The following SHPRH variants were observed in gnomAD, a reference collection of about 807,000 sequenced individuals.
SHPRH encodes SNF2 histone linker PHD RING helicase.
A neutral mutation model predicts 202.5 loss-of-function variants in SHPRH; 106 were observed. The ratio of observed to expected loss-of-function variants is 0.52; its 90% CI spans 0.45 to 0.62. The LOEUF is 0.62. Among genes scored for constraint, SHPRH ranks in the 20% least tolerant of loss-of-function variants. SHPRH has a pLI of 0.00. For missense variants in SHPRH, 1,710 were observed against 2,020.0 expected (o/e 0.85, Z 2.94); for synonymous variants, 729 against 686.0 (o/e 1.06, Z -0.98).
In SHPRH at chr6:145,943,354, T is replaced by C. The variant is rs764651416; in HGVS notation, c.2027A>G (p.Gln676Arg). Reference protein sequence around the residue: ...LDQIDRKPRVQCLKCHLWQHA... With the variant: ...LDQIDRKPRVRCLKCHLWQHA... ...TTGCCACAGGTGACACTTCAGGCAT[T>C]GAACACGAGGCTTACGATCTATCTG... Residue 676 changes from glutamine to arginine, a missense_variant, in exon 9 of 30, where the codon CAA becomes CGA. Gln to Arg is a conservative substitution (Grantham distance 43). Coordinates refer to ENST00000275233, the MANE Select transcript of SHPRH (RefSeq NM_001042683.3). The C allele has an allele frequency of 6.2e-6, 10 of 1,613,858 alleles. No homozygotes were observed. The Admixed American group carries it at 1.2e-4, about 19-fold the overall frequency.
Position 145,919,410 on chromosome 6 carries a change from C to A in SHPRH, c.4090G>T (p.Val1364Leu). ...GGCTTTGGCTCCCTAGGATCACGCA[C>A]TCTTAGTCGTTCTGTAGCCATTGCA... ...ELAMATERLRVRDPREPKPNP... is the reference protein window; with the variant it reads ...ELAMATERLRLRDPREPKPNP... The change falls in exon 22 of 30, where the codon GTG becomes TTG. Residue 1364 changes from valine (V) to leucine (L), a missense_variant. Coordinates refer to ENST00000275233, the MANE Select transcript of SHPRH (RefSeq NM_001042683.3). 6.2e-7 allele frequency: 1 copy of A among 1,613,228 alleles called. No individual in the cohort carries two copies. Among genetic ancestry groups the A allele is most frequent in the Admixed American group, 1.7e-5 (1 of 59,910 alleles).
intron 11 of SHPRH, among the ~76,000 whole-genome samples, chr6:145,938,393 T>G (rs1209590463): frequency 6.6e-6 from 1 of 152,198 alleles, no homozygotes; most frequent in South Asian, 2.1e-4. Context: ...TTCCCTTCTT[T>G]GTAGTTATCC....
intron 11 of SHPRH, among the ~76,000 whole-genome samples, chr6:145,936,064 A>C (rs145291519): frequency 2.6e-5 from 4 of 152,268 alleles, no homozygotes; most frequent in African/African-American, 7.2e-5. Flanking sequence ...CATGCCTTGT[A>C]TTTGTTAGCT....
At chr6:145,867,631 T>TATATATATATATAGAGAGAGAGAGAGAG (rs1554220329) in intron 2 of SHPRH, among the ~76,000 whole-genome samples, 1 of 22,316 alleles carries the variant, frequency 4.5e-5, no homozygotes, top group African/African-American at 2.2e-4. Flanking sequence ...TATATATATA[T>TATATATATATATAGAGAGAGAGAGAGAG]AGAGAGAGAG....
rs1212959026 is a variant in SHPRH at position 145,921,231 on chromosome 6, A to G, written c.3944T>C (p.Val1315Ala). The part of the protein sequence containing the change: ...LSFAKSHRFD[V>A]EFVDEGSTSM... Reference sequence around the variant, plus strand: ...AGTGCTTCCTTCATCAACAAATTCAACATCAAACCTATGTGATTTTGCAAA... The same window carrying G: ...AGTGCTTCCTTCATCAACAAATTCAGCATCAAACCTATGTGATTTTGCAAA... The change falls in exon 21 of 30, where the codon GTT becomes GCT. Residue 1315 changes from valine (V) to alanine (A), a missense_variant. Around this residue, in one of 8 missense-constraint regions of SHPRH, gnomAD observed 306 missense variants for 479.5 expected, o/e 0.64. Transcript: ENST00000275233. 1 of 1,612,842 alleles carries G rather than the reference A, an allele frequency of 6.2e-7. No homozygotes were observed. The highest frequency in any genetic ancestry group is 1.1e-5 in the South Asian group (1 of 91,062).
At chr6:145,867,916 C>G (rs1277041404) in intron 2 of SHPRH, among the ~76,000 whole-genome samples, 1 of 152,052 alleles carries the variant, frequency 6.6e-6, no homozygotes, top group African/African-American at 2.4e-5. Context: ...TCCACAAAAA[C>G]TCTCTTCTAG....
At chr6:145,894,721 C>T (rs1025125517) in intron 26 of SHPRH, among the ~76,000 whole-genome samples, 164 bp downstream of exon 26, 2 of 151,974 alleles carry the variant, frequency 1.3e-5, no homozygotes, top group African/African-American at 2.4e-5. Flanking sequence ...AACATCATCA[C>T]ATTTCTCTAA....
At chr6:145,919,558 A>G in intron 21 of SHPRH, 67 bp from the exon 22 acceptor site, 1 of 1,557,648 alleles carries the variant, frequency 6.4e-7, no homozygotes, top group Non-Finnish European at 8.7e-7. Context: ...AACCACCAAG[A>G]TGTGCCTTAA....
At chr6:145,947,738 C>T in intron 5 of SHPRH, 95 bp from the exon 6 acceptor site, 1 of 1,400,378 alleles carries the variant, frequency 7.1e-7, no homozygotes, top group Non-Finnish European at 9.7e-7. Flanking sequence ...GGAAGCAATG[C>T]ATAAAGTCTA....
downstream of SHPRH, among the ~76,000 whole-genome samples, chr6:145,861,126 A>T (rs966654736): frequency 9.9e-5 from 15 of 152,198 alleles, no homozygotes; most frequent in Non-Finnish European, 1.5e-5. Context: ...AAAATAAACA[A>T]GTAGGATTAC....
rs142147738 is a variant in SHPRH at position 145,936,467 on chromosome 6, T to C, written c.2570-1026A>G. Among the ~76,000 whole-genome samples, 794 of 151,916 alleles carry C rather than the reference T, an allele frequency of 5.2e-3. 4 individuals carry two copies. Among genetic ancestry groups the C allele is most frequent in the African/African-American group, 0.018 (759 of 41,464 alleles). ...TCAGCCTCCCAAGTAGCTGAGATCATAGGTGTGTGCCACCATGCCTGGCTA... is the reference window on the plus strand; with the variant it reads ...TCAGCCTCCCAAGTAGCTGAGATCACAGGTGTGTGCCACCATGCCTGGCTA... On this transcript the variant is annotated intron_variant, in intron 11 of 29. Transcript: ENST00000275233.
At chr6:145,919,857 A>G (rs1479991895) in intron 21 of SHPRH, among the ~76,000 whole-genome samples, 1 of 152,164 alleles carries the variant, frequency 6.6e-6, no homozygotes, top group African/African-American at 2.4e-5. Context: ...ACTAAAATAT[A>G]CAATCAAGTA....
intron 25 of SHPRH, chr6:145,908,498 C>T (rs1399485788): frequency 6.6e-6 from 1 of 152,138 alleles, no homozygotes; most frequent in Non-Finnish European, 1.5e-5. Flanking sequence ...TTCTGATTTG[C>T]ATTTCTCCGA....
Position 145,950,322 on chromosome 6 carries a change from T to C in SHPRH, c.924A>G (p.Gln308=). The C allele has an allele frequency of 6.2e-7, 1 of 1,613,168 alleles. No homozygotes were observed. Among genetic ancestry groups the C allele is most frequent in the Non-Finnish European group, 8.5e-7 (1 of 1,179,380 alleles). The change falls in exon 4 of 30, where the codon CAA becomes CAG. Residue 308 remains glutamine (Q), a synonymous_variant. Coordinates refer to ENST00000275233, the MANE Select transcript of SHPRH (RefSeq NM_001042683.3). ...PALIPVLRPY[Q]REAVNWMLQQ... is the part of the protein sequence containing the mutation. ...GTAGCATCCAATTGACAGCCTCTCT[T>C]TGGTAGGGTCTCAACACAGGGATCA...
At chr6:145,939,165 G>T (rs1562348035) in intron 11 of SHPRH, among the ~76,000 whole-genome samples, 1 of 151,576 alleles carries the variant, frequency 6.6e-6, no homozygotes, top group African/African-American at 2.4e-5. Context: ...GTGACAACTA[G>T]AAAAAAAACA....
intron 25 of SHPRH, among the ~76,000 whole-genome samples, chr6:145,897,941 C>G (rs1782156997): frequency 6.6e-6 from 1 of 152,074 alleles, no homozygotes; most frequent in African/African-American, 2.4e-5. Flanking sequence ...AAAGCTTTTC[C>G]TTTAAGATCA....
At chr6:145,934,807 A>C in intron 13 of SHPRH, 100 bp downstream of exon 13, 2 of 1,163,124 alleles carry the variant, frequency 1.7e-6, no homozygotes, top group Non-Finnish European at 2.4e-6. Context: ...ATTAAAGATA[A>C]CTGACAACTC....
At chr6:145,915,105 A>C (rs958423834) in intron 23 of SHPRH, among the ~76,000 whole-genome samples, 53 of 147,536 alleles carry the variant, frequency 3.6e-4, no homozygotes, top group African/African-American at 1.3e-3. Flanking sequence ...AAACTTATAA[A>C]TAAATTTATA....
intron 10 of SHPRH, among the ~76,000 whole-genome samples, chr6:145,941,232 C>G (rs968920655): frequency 3.3e-5 from 5 of 152,138 alleles, no homozygotes; most frequent in African/African-American, 4.8e-5. Flanking sequence ...GTAGTATTTT[C>G]TGTTACCATT....
Sources: allele counts gnomAD v4.1 joint callset (sites outside exome capture counted in the v4.1 genomes callset), GRCh38; gene constraint gnomAD v4.1.1; regional missense constraint gnomAD v4.1.1; transcripts MANE v1.5; gene names NCBI Gene and HGNC (gene_info 2026-07-23, HGNC 2026-07-21).